The following RPA1 variants were observed in gnomAD, a reference collection of about 807,000 sequenced individuals.
RPA1 encodes the protein replication protein A1, also known as replication protein A 70 kDa DNA-binding subunit.
A neutral mutation model predicts 83.0 loss-of-function variants in RPA1; 49 were observed. That is an observed-to-expected ratio of 0.59 (90% confidence interval 0.47 to 0.75). RPA1 has a LOEUF of 0.75. Among genes scored for constraint, RPA1 ranks in the 30% least tolerant of loss-of-function variants. The pLI, the probability that RPA1 is intolerant of heterozygous loss-of-function variation, is 0.00. For synonymous variants in RPA1, 279 were observed against 281.8 expected (o/e 0.99, Z 0.10); for missense variants, 693 against 776.1 (o/e 0.89, Z 1.27).
At chr17:1,849,289 CTTTTTT>C (rs61062085) in intron 4 of RPA1, among the ~76,000 whole-genome samples, 33 of 116,304 alleles carry the variant, frequency 2.8e-4, no homozygotes, top group African/African-American at 5.8e-4. Flanking sequence ...GTTGGCTGTT[CTTTTTT>C]TTTTTTTTTT....
chr17:1,888,142 T>C (rs1423529546), intron 13 of RPA1, among the ~76,000 whole-genome samples: 1 of 152,184 alleles, frequency 6.6e-6, no homozygotes, highest in Non-Finnish European at 1.5e-5. Flanking sequence ...GCCTGAAATA[T>C]TTACTGTTTG....
intron 13 of RPA1, among the ~76,000 whole-genome samples, chr17:1,886,610 C>T (rs1240304904): frequency 6.6e-6 from 1 of 152,126 alleles, no homozygotes; most frequent in Non-Finnish European, 1.5e-5. Context: ...TCCATCAGCA[C>T]TTGCTGCTTC....
At chr17:1,896,860 G>C (rs1241791838) in intron 16 of RPA1, among the ~76,000 whole-genome samples, 2 of 152,152 alleles carry the variant, frequency 1.3e-5, no homozygotes, top group South Asian at 4.1e-4. Flanking sequence ...CTTGGGTAAA[G>C]AATCAGAAGG....
At chr17:1,878,730 T>C (rs571940271) in intron 8 of RPA1, among the ~76,000 whole-genome samples, 1 of 152,208 alleles carries the variant, frequency 6.6e-6, no homozygotes, top group Non-Finnish European at 1.5e-5. Context: ...TGTTTCTCAG[T>C]TGAGGCTAAT....
intron 12 of RPA1, among the ~76,000 whole-genome samples, 161 bp from the exon 13 acceptor site, chr17:1,883,651 A>G (rs1013511359): frequency 4.6e-5 from 7 of 152,102 alleles, no homozygotes; most frequent in African/African-American, 1.4e-4. Context: ...AAAAATATAT[A>G]ATTACGAAGA....
At chr17:1,842,131 A>G (rs775912519) in intron 1 of RPA1, among the ~76,000 whole-genome samples, 4 of 152,082 alleles carry the variant, frequency 2.6e-5, no homozygotes, top group Non-Finnish European at 5.9e-5. Context: ...TGCTAGGATT[A>G]TAGGCATGAA....
Position 1,897,334 on chromosome 17 carries a change from G to A in RPA1, c.*159G>A. ...CTCGTGCGCATCTCAGAACCCATCG[G>A]TAGGCAAAGGAAAATACGCTCAGGT... is the stretch of plus-strand genomic sequence containing the variant. On this transcript the variant is annotated 3_prime_UTR_variant, in exon 17 of 17. Coordinates refer to ENST00000254719, the MANE Select transcript of RPA1 (RefSeq NM_002945.5). 3.3e-6 allele frequency: 2 copies of A among 599,874 alleles called. No individual in the cohort carries two copies. The highest frequency in any genetic ancestry group is 2.0e-5 in the South Asian group (1 of 48,868). The allele number at this position is 599,874 out of a possible 1,614,324, so 37.2% of individuals were successfully genotyped here.
intron 3 of RPA1, among the ~76,000 whole-genome samples, chr17:1,844,328 A>C (rs962858329): frequency 6.6e-6 from 1 of 152,150 alleles, no homozygotes; most frequent in African/African-American, 2.4e-5. Context: ...CTGTGTTGGA[A>C]GCTGTAAAGG....
At chr17:1,894,413 C>G (rs1319316004) in intron 15 of RPA1, among the ~76,000 whole-genome samples, 2 of 152,152 alleles carry the variant, frequency 1.3e-5, no homozygotes. Context: ...GTGATCCACC[C>G]GCTTCCGCTT....
At chr17:1,890,708 GTTAGC>G (rs906507314) in intron 14 of RPA1, among the ~76,000 whole-genome samples, 6 of 152,242 alleles carry the variant, frequency 3.9e-5, no homozygotes, top group South Asian at 2.1e-4. Context: ...AAAATGAAAT[GTTAGC>G]TTAGCAGGAC....
rs150596373 is a variant in RPA1, at chr17:1,840,698, C to T, written c.34-2105C>T. 1.3e-3 allele frequency among the ~76,000 whole-genome samples: 202 copies of T among 152,308 alleles called. 2 individuals are homozygous for T. In the East Asian group the frequency reaches 0.03, roughly 23 times the overall value. ...TGCTGGGATTATAGGCAAGAGCCGC[C>T]GTTTGCAGCCTTGTTGGTAGTTTTC... On this transcript the variant is annotated intron_variant, in intron 1 of 16. Coordinates refer to ENST00000254719, the MANE Select transcript of RPA1 (RefSeq NM_002945.5).
At chr17:1,838,732 C>G (rs1911919965) in intron 1 of RPA1, among the ~76,000 whole-genome samples, 1 of 152,094 alleles carries the variant, frequency 6.6e-6, no homozygotes. Context: ...TTCAAGTTTA[C>G]TATTTTATCT....
rs142406311 is a variant in RPA1, at chr17:1,883,879, G to A, written c.1309G>A (p.Gly437Arg). The A allele has an allele frequency of 6.9e-5, 111 of 1,614,162 alleles. 1 individual carries two copies. In the African/African-American group the frequency reaches 1.3e-3, roughly 18 times the overall value. The change falls in exon 13 of 17, where the codon GGG becomes AGG. Residue 437 changes from glycine (G) to arginine (R), a missense_variant. Physicochemically the swap from Gly to Arg is moderately radical, Grantham distance 125. Transcript: ENST00000254719. Reference sequence around the variant, plus strand: ...TGATCTAAAGAGCGGCGGAGTCGGAGGGAGTAACACCAACTGGAAAACCTT... The same window carrying A: ...TGATCTAAAGAGCGGCGGAGTCGGAAGGAGTAACACCAACTGGAAAACCTT... The part of the protein sequence containing the change: ...ISDLKSGGVG[G>R]SNTNWKTLYE...
chr17:1,842,958 C>T, intron 2 of RPA1, 105 bp downstream of exon 2: 2 of 1,144,644 alleles, frequency 1.7e-6, no homozygotes, highest in South Asian at 1.3e-5. Flanking sequence ...TTCGGAAATT[C>T]ACCCCCAGTC....
At chr17:1,867,454 C>A (rs936038593) in intron 5 of RPA1, among the ~76,000 whole-genome samples, 2 of 152,098 alleles carry the variant, frequency 1.3e-5, no homozygotes, top group Non-Finnish European at 2.9e-5. Context: ...TACCTTCAGT[C>A]CCAACACTTT....
rs766141508 is a variant in RPA1 at position 1,888,864 on chromosome 17, G to A, written c.1551+13G>A. ...CATGATCCTGTCAGTAAGTAGCCTC[G>A]GTAGATGAGAACCACGGTTGTGTTC... On this transcript the variant is annotated intron_variant, in intron 14 of 16. Transcript: ENST00000254719. 1.6e-5 allele frequency: 25 copies of A among 1,608,848 alleles called. No individual in the cohort carries two copies. The highest frequency in any genetic ancestry group is 1.2e-4 in the African/African-American group (9 of 74,862).
chr17:1,888,962 C>A, intron 14 of RPA1, 111 bp downstream of exon 14: 1 of 1,155,684 alleles, frequency 8.7e-7, no homozygotes, highest in Non-Finnish European at 1.2e-6. Flanking sequence ...AGGAAGCCCG[C>A]AGATGAGTAG....
intron 8 of RPA1, 55 bp downstream of exon 8, chr17:1,877,369 G>C: frequency 6.6e-7 from 1 of 1,515,824 alleles, no homozygotes. Flanking sequence ...GGAAACAGAA[G>C]GCTCAGCTCT....
rs764785914 is a variant in RPA1 at position 1,872,521 on chromosome 17, G to T, written c.449G>T (p.Gly150Val). 1.2e-6 allele frequency: 2 copies of T among 1,613,508 alleles called. No individual in the cohort carries two copies. The highest frequency in any genetic ancestry group is 8.5e-7 in the Non-Finnish European group (1 of 1,179,920). The change falls in exon 6 of 17, where the codon GGA becomes GTA. Residue 150 changes from glycine (G) to valine (V), a missense_variant. Physicochemically the swap from Gly to Val is moderately radical, Grantham distance 109. Transcript: ENST00000254719. ...SRPQPQNGSS[G>V]MGSTVSKAYG... ...CCCCAGCCGCAGAATGGAAGCTCGG[G>T]AATGGGTGAGATGCCTCACGGGGCG...
Sources: allele counts gnomAD v4.1 joint callset (sites outside exome capture counted in the v4.1 genomes callset), GRCh38; gene constraint gnomAD v4.1.1; transcripts MANE v1.5; gene names NCBI Gene and HGNC (gene_info 2026-07-23, HGNC 2026-07-21).